PPP4R3A: variants seen among roughly 807,000 people sequenced by gnomAD.
PPP4R3A encodes serine/threonine-protein phosphatase 4 regulatory subunit 3A.
In PPP4R3A, 15 loss-of-function variants were observed where a neutral mutation model predicts 91.7. That is an observed-to-expected ratio of 0.16 (90% CI 0.11 to 0.25). The LOEUF (loss-of-function observed/expected upper bound fraction) is 0.25. PPP4R3A is among the 10% of genes least tolerant of loss of function. The probability of loss-of-function intolerance (pLI) is 1.00; values close to 1 mark genes in which losing one functional copy is unlikely to be tolerated. For synonymous variants in PPP4R3A, 377 were observed against 348.7 expected (o/e 1.08, Z -0.91); for missense variants, 623 against 998.4 (o/e 0.62, Z 5.07).
intron 13 of PPP4R3A, 79 bp downstream of exon 13, chr14:91,461,969 TA>T (rs942182490): frequency 7.1e-7 from 1 of 1,414,732 alleles, no homozygotes; most frequent in East Asian, 2.6e-5. Context: ...TCCAAGCAAA[TA>T]ATCATTTTGT....
At chr14:91,471,112 T>G (rs1888804448) in intron 9 of PPP4R3A, 117 bp from the exon 10 acceptor site, 6 of 938,620 alleles carry the variant, frequency 6.4e-6, no homozygotes, top group African/African-American at 1.7e-5. Flanking sequence ...ATATATTAAC[T>G]TTAGGGAGGA....
intron 10 of PPP4R3A, chr14:91,466,381 T>A: frequency 4.1e-6 from 4 of 985,720 alleles, no homozygotes; most frequent in Non-Finnish European, 4.8e-6. Context: ...AAGTCCTTCA[T>A]GAGCAGGTAG....
At chr14:91,458,969 T>C (rs1447746133) in intron 14 of PPP4R3A, 100 bp from the exon 15 acceptor site, 1 of 1,326,062 alleles carries the variant, frequency 7.5e-7, no homozygotes, top group Non-Finnish European at 1.0e-6. Flanking sequence ...ACCAACATAG[T>C]AACGGTGGTT....
chr14:91,483,332 C>T (rs2140117561), intron 3 of PPP4R3A, among the ~76,000 whole-genome samples: 1 of 152,282 alleles, frequency 6.6e-6, no homozygotes, highest in Middle Eastern at 3.4e-3. Context: ...AAGATGACGA[C>T]CTGGAATACT....
intron 14 of PPP4R3A, among the ~76,000 whole-genome samples, chr14:91,460,614 C>CA (rs1419202333): frequency 7.1e-6 from 1 of 141,498 alleles, no homozygotes; most frequent in Non-Finnish European, 1.5e-5. Context: ...ATGTTTTCTA[C>CA]ATTTTTTCTT....
intron 2 of PPP4R3A, among the ~76,000 whole-genome samples, chr14:91,486,165 C>T (rs949516204): frequency 3.9e-5 from 6 of 152,034 alleles, no homozygotes; most frequent in Admixed American, 3.9e-4. Flanking sequence ...TGTTTTTCAC[C>T]AGGGGCCTCT....
At chr14:91,466,390 A>G in intron 10 of PPP4R3A, 1 of 985,868 alleles carries the variant, frequency 1.0e-6, no homozygotes, top group Non-Finnish European at 1.2e-6. Flanking sequence ...ATGAGCAGGT[A>G]GCCAGGCAAC....
chr14:91,497,258 C>A (rs1489011901), intron 1 of PPP4R3A, among the ~76,000 whole-genome samples: 3 of 151,958 alleles, frequency 2.0e-5, no homozygotes, highest in Admixed American at 6.6e-5. Flanking sequence ...AGACAGACCC[C>A]ATTCACCCCA....
At chr14:91,470,749 T>A (rs1888783695) in intron 10 of PPP4R3A, 88 bp downstream of exon 10, 1 of 1,450,242 alleles carries the variant, frequency 6.9e-7, no homozygotes, top group African/African-American at 1.4e-5. Flanking sequence ...TCCTGACCTG[T>A]AATCAGTGGT....
chr14:91,463,544 C>T (rs1888291253), intron 11 of PPP4R3A, among the ~76,000 whole-genome samples: 6 of 152,018 alleles, frequency 3.9e-5, no homozygotes, highest in Admixed American at 3.9e-4. Context: ...AGCAATCCTC[C>T]CACCTCAGCC....
Position 91,475,865 on chromosome 14 carries a change from T to C in PPP4R3A, c.1212A>G (p.Ala404=). The change falls in exon 7 of 15, where the codon GCA becomes GCG. Residue 404 remains alanine (A), a synonymous_variant. Transcript: ENST00000554943. ...TCTTACTTACATCATCATTCTGTTG[T>C]GCCTCCTGCATGACAAACTCTCGTA... The part of the protein sequence containing the change: ...SMVREFVMQE[A]QQNDDVSKKL... 19 of 1,613,832 alleles carry C rather than the reference T, an allele frequency of 1.2e-5. No individual in the cohort carries two copies. Among genetic ancestry groups the C allele is most frequent in the Non-Finnish European group, 1.6e-5 (19 of 1,179,936 alleles).
intron 3 of PPP4R3A, among the ~76,000 whole-genome samples, chr14:91,485,046 CAAG>C (rs1160107642): frequency 2.0e-5 from 3 of 152,152 alleles, no homozygotes; most frequent in African/African-American, 7.2e-5. Context: ...TCAAAAGCCA[CAAG>C]AAGTTATGAA....
At chr14:91,459,019 A>T (rs1403351301) in intron 14 of PPP4R3A, 150 bp from the exon 15 acceptor site, 1 of 842,582 alleles carries the variant, frequency 1.2e-6, no homozygotes, top group African/African-American at 1.7e-5. Context: ...TCAATTCATT[A>T]TGTTTACATA....
intron 1 of PPP4R3A, among the ~76,000 whole-genome samples, chr14:91,493,005 C>T (rs796344537): frequency 5.9e-5 from 9 of 152,030 alleles, no homozygotes; most frequent in African/African-American, 2.2e-4. Flanking sequence ...GTGGGAGGAT[C>T]GCCTGAGGCC....
intron 1 of PPP4R3A, among the ~76,000 whole-genome samples, chr14:91,492,328 T>C (rs553901454): frequency 1.3e-5 from 2 of 152,338 alleles, no homozygotes; most frequent in Non-Finnish European, 2.9e-5. Flanking sequence ...CACTTAACAA[T>C]TGCTTTACCC....
chr14:91,470,095 G>A (rs1888749306), intron 10 of PPP4R3A, among the ~76,000 whole-genome samples: 1 of 151,892 alleles, frequency 6.6e-6, no homozygotes, highest in South Asian at 2.1e-4. Context: ...AAACCAAAGG[G>A]CAAAAATTAA....
intron 1 of PPP4R3A, among the ~76,000 whole-genome samples, chr14:91,500,328 G>A (rs950816603): frequency 1.3e-5 from 2 of 152,124 alleles, no homozygotes; most frequent in Non-Finnish European, 2.9e-5. Flanking sequence ...AGCCTCCAGA[G>A]TGGCTGGGAC....
intron 10 of PPP4R3A, 140 bp downstream of exon 10, chr14:91,470,697 A>G (rs999296298): frequency 1.1e-6 from 1 of 903,620 alleles, no homozygotes; most frequent in Admixed American, 2.9e-5. Flanking sequence ...AACATGGCAA[A>G]CCTGCATAAT....
chr14:91,481,450 T>G, intron 4 of PPP4R3A, 126 bp downstream of exon 4: 1 of 1,024,926 alleles, frequency 9.8e-7, no homozygotes, highest in South Asian at 2.0e-5. Flanking sequence ...TTATAATCTC[T>G]TAAAATAACT....
Sources: allele counts gnomAD v4.1 joint callset (sites outside exome capture counted in the v4.1 genomes callset), GRCh38; gene constraint gnomAD v4.1.1; transcripts MANE v1.5; gene names NCBI Gene and HGNC (gene_info 2026-07-23, HGNC 2026-07-21).